PHGDH: variants seen among roughly 807,000 people sequenced by gnomAD.
The protein encoded by PHGDH is D-3-phosphoglycerate dehydrogenase.
PHGDH carries 50 observed loss-of-function variants against 52.6 expected under a neutral mutation model. The ratio of observed to expected loss-of-function variants is 0.95; its 90% CI spans 0.76 to 1.20. The LOEUF (loss-of-function observed/expected upper bound fraction) is 1.20. Ranked by LOEUF, PHGDH falls within the 50% of genes most tolerant of loss-of-function variation. The pLI, the probability that PHGDH is intolerant of heterozygous loss-of-function variation, is 0.00. For synonymous variants in PHGDH, 271 were observed against 280.5 expected (o/e 0.97, Z 0.34); for missense variants, 630 against 684.6 (o/e 0.92, Z 0.89).
Position 119,742,923 on chromosome 1 carries a change from G to A in PHGDH, c.1326G>A (p.Thr442=), listed in dbSNP as rs543703. Residue 442 remains threonine (T), a synonymous_variant, in exon 11 of 12, where the codon ACG becomes ACA. Coordinates refer to ENST00000641023, the MANE Select transcript of PHGDH (RefSeq NM_006623.4). ...CTGTGGGCTTGGTCCAAGGCACTAC[G>A]CCTGTACTGCAGGGGCTCAATGGAG... ...YQAVGLVQGT[T]PVLQGLNGAV... The A allele has an allele frequency of 0.68, 1,097,919 of 1,613,196 alleles. 376,482 individuals are homozygous for A. Among genetic ancestry groups the A allele is most frequent in the Middle Eastern group, 0.82 (4,983 of 6,058 alleles).
At chr1:119,717,335 C>G (rs1220127944) in intron 1 of PHGDH, among the ~76,000 whole-genome samples, 2 of 147,050 alleles carry the variant, frequency 1.4e-5, no homozygotes, top group African/African-American at 5.0e-5. Context: ...GGAGTTTTCT[C>G]CACATATCAG....
chr1:119,721,637 T>C, intron 2 of PHGDH: 1 of 302,934 alleles, frequency 3.3e-6, no homozygotes, highest in Non-Finnish European at 6.2e-6. Context: ...CTCTGTGACC[T>C]GGTTCAGGAA....
At position 119,712,077 on chromosome 1, in the gene PHGDH, T is replaced by C. The variant is rs1650718768; in HGVS notation, c.55T>C (p.Cys19Arg). 6.2e-7 allele frequency: 1 copy of C among 1,614,176 alleles called. No homozygotes were observed. Among genetic ancestry groups the C allele is most frequent in the African/African-American group, 1.3e-5 (1 of 75,060 alleles). ...CATCAGTGACAGCCTGGACCCTTGCTGCCGGAAGATCTTGCAAGATGGAGG... is the reference window on the plus strand; with the variant it reads ...CATCAGTGACAGCCTGGACCCTTGCCGCCGGAAGATCTTGCAAGATGGAGG... ...VLISDSLDPC[C>R]RKILQDGGLQ... The change falls in exon 1 of 12, where the codon TGC (cysteine) becomes CGC (arginine). Residue 19 changes from cysteine (C) to arginine (R), a missense_variant. Cys to Arg is a radical substitution (Grantham distance 180). Transcript: ENST00000641023.
intron 8 of PHGDH, chr1:119,739,335 C>G (rs1276017197): frequency 1.3e-5 from 2 of 152,222 alleles, no homozygotes; most frequent in African/African-American, 2.4e-5. Flanking sequence ...CCGGCAGTGG[C>G]AGCATGGTGC....
intron 1 of PHGDH, chr1:119,713,511 G>C (rs767938239): frequency 1.3e-5 from 2 of 152,238 alleles, no homozygotes; most frequent in African/African-American, 2.4e-5. Flanking sequence ...TTGAGCAGAT[G>C]ACACAAGAGC....
rs1216693060 is a variant in PHGDH at position 119,741,676 on chromosome 1, C to T, written c.1079-91C>T. The T allele has an allele frequency of 2.5e-6, 3 of 1,198,394 alleles. No individual in the cohort carries two copies. The African/African-American group carries it at 4.5e-5, about 18-fold the overall frequency. 74.2% of individuals were successfully genotyped at this position (1,198,394 alleles called of 1,614,324 possible). Reference sequence around the variant, plus strand: ...GGGGTCCCCAGGGCAGCGAGGAGCCCATAGTCCAGAGCTAGGTGCCAGTGG... The same window carrying T: ...GGGGTCCCCAGGGCAGCGAGGAGCCTATAGTCCAGAGCTAGGTGCCAGTGG... On this transcript the variant is annotated intron_variant, in intron 9 of 11. Coordinates refer to ENST00000641023, the MANE Select transcript of PHGDH (RefSeq NM_006623.4).
At chr1:119,727,386 C>T (rs1056128205) in intron 5 of PHGDH, 5 of 484,922 alleles carry the variant, frequency 1.0e-5, no homozygotes, top group Non-Finnish European at 1.9e-5. Context: ...ACTTTGGTTC[C>T]TGTCTTCTTA....
intron 9 of PHGDH, among the ~76,000 whole-genome samples, chr1:119,741,185 CT>C (rs1358033199): frequency 6.6e-6 from 1 of 152,138 alleles, no homozygotes; most frequent in East Asian, 1.9e-4. Flanking sequence ...TTCCTTAACC[CT>C]GTAGACGTGT....
intron 6 of PHGDH, 136 bp from the exon 7 acceptor site, chr1:119,735,159 C>A: frequency 8.7e-7 from 1 of 1,149,484 alleles, no homozygotes; most frequent in Non-Finnish European, 1.3e-6. Context: ...GAGATGAGAG[C>A]AAAGAGGCTG....
chr1:119,724,871 CA>C, intron 3 of PHGDH: 1 of 456,604 alleles, frequency 2.2e-6, no homozygotes, highest in Non-Finnish European at 4.4e-6. Flanking sequence ...CCTCACTCAT[CA>C]AAGGTGCATC....
chr1:119,720,836 G>A, intron 1 of PHGDH: 4 of 379,440 alleles, frequency 1.1e-5, no homozygotes, highest in Non-Finnish European at 2.0e-5. Flanking sequence ...TGTGTCTGAT[G>A]GACATCCAGG....
At chr1:119,723,346 A>G (rs1651259873) in intron 2 of PHGDH, 30 bp from the exon 3 acceptor site, 1 of 1,574,830 alleles carries the variant, frequency 6.3e-7, no homozygotes. Context: ...GTCTGTGCCC[A>G]TTGATGTCCC....
chr1:119,724,422 TC>T, intron 3 of PHGDH: 1 of 262,642 alleles, frequency 3.8e-6, no homozygotes. Context: ...CTCTAACTCC[TC>T]CCTGCAGTTT....
rs1235179944 is a variant in PHGDH at position 119,740,509 on chromosome 1, A to G, written c.1069A>G (p.Ile357Val). Residue 357 changes from isoleucine (I) to valine (V), a missense_variant, in exon 9 of 12, where the codon ATA becomes GTA. Ile to Val is a conservative substitution (Grantham distance 29). Coordinates refer to ENST00000641023, the MANE Select transcript of PHGDH (RefSeq NM_006623.4). ...AGSPKGTIQVITQGTSLKNAG... is the reference protein window; with the variant it reads ...AGSPKGTIQVVTQGTSLKNAG... Reference sequence around the variant, plus strand: ...GTCCCCCAAAGGGACCATCCAGGTGATAACACAGGGTGAGCTGGGGACCTT... The same window carrying G: ...GTCCCCCAAAGGGACCATCCAGGTGGTAACACAGGGTGAGCTGGGGACCTT... 26 of 1,577,494 alleles carry G rather than the reference A, an allele frequency of 1.6e-5. No individual in the cohort carries two copies. The highest frequency in any genetic ancestry group is 7.4e-5 in the Admixed American group (4 of 54,134).
Position 119,740,415 on chromosome 1 carries a change from C to A in PHGDH, c.975C>A (p.Phe325Leu), listed in dbSNP as rs1652142927. ...ATGCCCAGGCCCTTACCAGTGCCTT[C>A]TCTCCACACACCAAGCCTTGGATTG... ...VVNAQALTSA[F>L]SPHTKPWIGL... The change falls in exon 9 of 12, where the codon TTC becomes TTA. Residue 325 changes from phenylalanine to leucine, a missense_variant. By Grantham distance (22) the Phe-to-Leu change is conservative. Transcript: ENST00000641023. The A allele has an allele frequency of 6.2e-7, 1 of 1,614,030 alleles. No individual in the cohort carries two copies. The highest frequency in any genetic ancestry group is 1.7e-4 in the Middle Eastern group (1 of 6,060).
chr1:119,736,479 C>T (rs1651938876), intron 7 of PHGDH, among the ~76,000 whole-genome samples: 1 of 152,070 alleles, frequency 6.6e-6, no homozygotes, highest in South Asian at 2.1e-4. Context: ...GGAGAATGGC[C>T]GGAAGATGCC....
At chr1:119,730,839 CA>C (rs1485418841) in intron 5 of PHGDH, among the ~76,000 whole-genome samples, 2 of 152,078 alleles carry the variant, frequency 1.3e-5, no homozygotes, top group Non-Finnish European at 2.9e-5. Flanking sequence ...AGATAGTATG[CA>C]ATAGTGCTCC....
intron 5 of PHGDH, among the ~76,000 whole-genome samples, chr1:119,733,994 G>A (rs984518719): frequency 1.3e-5 from 2 of 152,116 alleles, no homozygotes; most frequent in Non-Finnish European, 2.9e-5. Flanking sequence ...AGTGACTGGG[G>A]GAGGACACAG....
At chr1:119,714,515 T>C (rs1055484990) in intron 1 of PHGDH, 1 of 152,258 alleles carries the variant, frequency 6.6e-6, no homozygotes, top group Non-Finnish European at 1.5e-5. Flanking sequence ...GAATTTTGTT[T>C]CATTTATGTT....
Sources: gnomAD v4.1 joint callset for allele counts (sites outside exome capture counted in the v4.1 genomes callset) on GRCh38, gnomAD v4.1.1 for gene constraint, MANE v1.5 for transcripts, NCBI Gene and HGNC (gene_info 2026-07-23, HGNC 2026-07-21) for gene names.